HEMK2: variants seen among roughly 807,000 people sequenced by gnomAD.
HEMK2 encodes the protein HemK methyltransferase 2, ETF1 glutamine and histone H4 lysine, also known as methyltransferase HEMK2.
At chr21:28,819,667 C>T in the HEMK2 span, among the ~76,000 whole-genome samples, 1 of 151,576 alleles carries the variant, frequency 6.6e-6, no homozygotes, top group Non-Finnish European at 1.5e-5. Flanking sequence ...CTGCCTCAGC[C>T]TCCCAAGTAG....
At chr21:28,771,159 C>A in the HEMK2 span, among the ~76,000 whole-genome samples, 4 of 152,148 alleles carry the variant, frequency 2.6e-5, no homozygotes. Context: ...ACACAGTGAC[C>A]ACACAAATAG....
the HEMK2 span, among the ~76,000 whole-genome samples, chr21:28,752,850 C>G: frequency 2.8e-4 from 43 of 152,160 alleles, no homozygotes; most frequent in Non-Finnish European, 5.3e-4. Flanking sequence ...CAGGAGCACC[C>G]CACTGTCATG....
At chr21:28,627,745 C>A in the HEMK2 span, among the ~76,000 whole-genome samples, 3 of 152,192 alleles carry the variant, frequency 2.0e-5, no homozygotes, top group Non-Finnish European at 2.9e-5. Context: ...CAAGTTACCA[C>A]ACCTAAGTAA....
At chr21:28,781,375 T>C in the HEMK2 span, among the ~76,000 whole-genome samples, 6 of 152,174 alleles carry the variant, frequency 3.9e-5, no homozygotes, top group Non-Finnish European at 7.3e-5. Context: ...ATTGAGTAAT[T>C]GGGCAAATGA....
chr21:28,848,049 T>C, the HEMK2 span, among the ~76,000 whole-genome samples: 1 of 152,248 alleles, frequency 6.6e-6, no homozygotes, highest in African/African-American at 2.4e-5. Context: ...TGAAGTCAGG[T>C]AGTGTGATGC....
chr21:28,596,509 T>C, the HEMK2 span, among the ~76,000 whole-genome samples: 5 of 152,178 alleles, frequency 3.3e-5, no homozygotes, highest in African/African-American at 1.2e-4. Flanking sequence ...TATTGTTACA[T>C]ATGAATAATT....
chr21:28,735,242 C>A, the HEMK2 span, among the ~76,000 whole-genome samples: 2 of 152,174 alleles, frequency 1.3e-5, no homozygotes, highest in Non-Finnish European at 2.9e-5. Context: ...ACTCAGAAGT[C>A]TAGTACAATA....
At chr21:28,694,234 G>A in the HEMK2 span, among the ~76,000 whole-genome samples, 533 of 152,194 alleles carry the variant, frequency 3.5e-3, 1 homozygote, top group African/African-American at 0.012. Context: ...TAATGGTTAC[G>A]GTACATACTT....
At chr21:28,616,273 T>G in the HEMK2 span, among the ~76,000 whole-genome samples, 2 of 152,210 alleles carry the variant, frequency 1.3e-5, no homozygotes, top group African/African-American at 4.8e-5. Flanking sequence ...GGAGAGGTTC[T>G]TCGCTAATCA....
At chr21:28,859,308 A>C in the HEMK2 span, among the ~76,000 whole-genome samples, 1 of 151,948 alleles carries the variant, frequency 6.6e-6, no homozygotes, top group Non-Finnish European at 1.5e-5. Context: ...TTTTTTCCTT[A>C]AGAATCTCCA....
the HEMK2 span, among the ~76,000 whole-genome samples, chr21:28,637,149 T>C: frequency 3.9e-5 from 6 of 152,202 alleles, no homozygotes; most frequent in Non-Finnish European, 8.8e-5. Context: ...AATATTCATA[T>C]CTTTTTCTGT....
chr21:28,831,142 C>T, the HEMK2 span, among the ~76,000 whole-genome samples: 1 of 151,774 alleles, frequency 6.6e-6, no homozygotes, highest in Non-Finnish European at 1.5e-5. Context: ...GTGATTAAAA[C>T]TCACAAAAAA....
chr21:28,811,712 T>C, the HEMK2 span, among the ~76,000 whole-genome samples: 3 of 152,288 alleles, frequency 2.0e-5, no homozygotes, highest in Admixed American at 1.3e-4. Flanking sequence ...TGTCTGACTC[T>C]CTCACTAGGT....
chr21:28,820,857 A>T, the HEMK2 span, among the ~76,000 whole-genome samples: 1 of 152,138 alleles, frequency 6.6e-6, no homozygotes, highest in Non-Finnish European at 1.5e-5. Flanking sequence ...AGGGAATCTG[A>T]AGCAATCATA....
chr21:28,764,726 G>C, the HEMK2 span, among the ~76,000 whole-genome samples: 3 of 152,086 alleles, frequency 2.0e-5, no homozygotes, highest in African/African-American at 7.2e-5. Context: ...CAGCTGTCAG[G>C]AAAGAGAGGG....
At chr21:28,788,573 C>T in the HEMK2 span, among the ~76,000 whole-genome samples, 17 of 151,814 alleles carry the variant, frequency 1.1e-4, no homozygotes, top group African/African-American at 3.4e-4. Context: ...TATGGTGCAG[C>T]GTATAACTGC....
At chr21:28,783,311 A>G in the HEMK2 span, among the ~76,000 whole-genome samples, 2 of 151,966 alleles carry the variant, frequency 1.3e-5, no homozygotes, top group Non-Finnish European at 2.9e-5. Context: ...CAGCCTCCCA[A>G]GTAGCTGGGA....
chr21:28,751,705 G>A, the HEMK2 span, among the ~76,000 whole-genome samples: 1 of 152,218 alleles, frequency 6.6e-6, no homozygotes, highest in South Asian at 2.1e-4. Context: ...TTGAGACAGA[G>A]TTTTGCTCTT....
the HEMK2 span, among the ~76,000 whole-genome samples, chr21:28,682,758 T>C: frequency 6.6e-6 from 1 of 152,042 alleles, no homozygotes; most frequent in African/African-American, 2.4e-5. Flanking sequence ...TGTAGGGACA[T>C]GGATGAAACT....
Sources: gnomAD v4.1 joint callset for allele counts (sites outside exome capture counted in the v4.1 genomes callset) on GRCh38, gnomAD v4.1.1 for gene constraint, MANE v1.5 for transcripts, NCBI Gene and HGNC (gene_info 2026-07-23, HGNC 2026-07-21) for gene names.